MYO16: variants seen among roughly 807,000 people sequenced by gnomAD.
MYO16 encodes the protein unconventional myosin-XVI.
Under a neutral mutation model 205.3 loss-of-function variants are expected in MYO16, and 94 were observed. That is an observed-to-expected ratio of 0.46 (90% CI 0.39 to 0.54). The LOEUF (loss-of-function observed/expected upper bound fraction) is 0.54. Among genes scored for constraint, MYO16 ranks in the 20% least tolerant of loss-of-function variants. MYO16 has a pLI of 0.00. For missense variants in MYO16, 2,315 were observed against 2,387.5 expected, an observed-to-expected ratio of 0.97 and a Z score of 0.63; for synonymous variants, 988 against 954.0, an observed-to-expected ratio of 1.04 and a Z score of -0.66.
At chr13:108,726,526 T>G (rs1884342571) in intron 3 of MYO16, among the ~76,000 whole-genome samples, 2 of 148,128 alleles carry the variant, frequency 1.4e-5, no homozygotes, top group South Asian at 4.3e-4. Context: ...GCCACTGCAC[T>G]CCATTCTGGT....
At chr13:109,144,784 G>T (rs992867055) in intron 32 of MYO16, among the ~76,000 whole-genome samples, 3 of 152,142 alleles carry the variant, frequency 2.0e-5, no homozygotes, top group African/African-American at 7.2e-5. Context: ...TGGCTGTTTG[G>T]AACAATGACA....
chr13:108,946,795 G>T (rs757960952), intron 16 of MYO16, among the ~76,000 whole-genome samples: 13 of 151,898 alleles, frequency 8.6e-5, no homozygotes, highest in Non-Finnish European at 1.6e-4. Context: ...AGGCTTGAGT[G>T]CAGTGGCAGG....
intron 4 of MYO16, among the ~76,000 whole-genome samples, chr13:108,762,490 T>C (rs931913705): frequency 6.6e-6 from 1 of 152,206 alleles, no homozygotes; most frequent in African/African-American, 2.4e-5. Flanking sequence ...TATCTCTGCA[T>C]CTTCACCAAC....
chr13:108,802,588 A>AT (rs1451538495), intron 6 of MYO16, among the ~76,000 whole-genome samples: 7 of 152,194 alleles, frequency 4.6e-5, no homozygotes, highest in Non-Finnish European at 1.0e-4. Flanking sequence ...CTTAGGATAT[A>AT]TACCAGAGTG....
At position 108,894,392 on chromosome 13, in the gene MYO16, T is replaced by C. The variant is rs138541036; in HGVS notation, c.1660-3624T>C. Among the ~76,000 whole-genome samples the C allele has an allele frequency of 1.3e-3, 197 of 152,236 alleles. 2 individuals are homozygous for C. Among genetic ancestry groups the C allele is most frequent in the African/African-American group, 4.4e-3 (182 of 41,532 alleles). On this transcript the variant is annotated intron_variant, in intron 14 of 34. Coordinates refer to ENST00000457511, the MANE Select transcript of MYO16 (RefSeq NM_001198950.3). ...CTGTGGTTGATAATAATGGCATCAT[T>C]GTTAAAATTAAAGATTGCCATCTCA...
intron 33 of MYO16, among the ~76,000 whole-genome samples, chr13:109,173,286 A>T (rs1444936796): frequency 6.6e-6 from 1 of 152,236 alleles, no homozygotes; most frequent in Non-Finnish European, 1.5e-5. Context: ...TTGAAAATAC[A>T]TACCAAGGAG....
intron 32 of MYO16, among the ~76,000 whole-genome samples, chr13:109,154,976 T>A: frequency 6.8e-6 from 1 of 146,616 alleles, no homozygotes. Context: ...ATTGAAGTGA[T>A]TTTTTCCCCT....
At chr13:109,009,341 TA>T (rs1371325707) in intron 22 of MYO16, among the ~76,000 whole-genome samples, 2 of 152,216 alleles carry the variant, frequency 1.3e-5, no homozygotes, top group Admixed American at 6.5e-5. Context: ...GTGCCTATTG[TA>T]AAAAAACAGA....
rs750294588 is a variant in MYO16, at chr13:109,164,993, G to A, written c.5257G>A (p.Gly1753Arg). The A allele has an allele frequency of 6.1e-5, 98 of 1,605,376 alleles. No homozygotes were observed. Among genetic ancestry groups the A allele is most frequent in the Non-Finnish European group, 7.0e-5 (82 of 1,175,268 alleles). ...ETQDRNANNHGIQLSNSLSSA... is the reference protein window; with the variant it reads ...ETQDRNANNHRIQLSNSLSSA... Reference sequence around the variant, plus strand: ...TCAAGACAGAAATGCAAATAACCATGGAATTCAGTTATCTAATTCACTATC... The same window carrying A: ...TCAAGACAGAAATGCAAATAACCATAGAATTCAGTTATCTAATTCACTATC... Residue 1753 changes from glycine to arginine, a missense_variant, in exon 33 of 35, where the codon GGA becomes AGA. Coordinates refer to ENST00000457511, the MANE Select transcript of MYO16 (RefSeq NM_001198950.3).
chr13:108,741,833 G>A (rs938081153), intron 4 of MYO16, among the ~76,000 whole-genome samples: 49 of 152,106 alleles, frequency 3.2e-4, no homozygotes, highest in Admixed American at 2.8e-3. Context: ...AAAAATGATG[G>A]GTTTCTGCAA....
the MYO16 span, among the ~76,000 whole-genome samples, chr13:108,537,498 T>A: frequency 6.6e-6 from 1 of 152,074 alleles, no homozygotes; most frequent in Non-Finnish European, 1.5e-5. Context: ...ACAATCCTTT[T>A]CTTTGGGTAG....
intron 15 of MYO16, among the ~76,000 whole-genome samples, chr13:108,902,897 AAAAC>A (rs1373910784): frequency 3.9e-5 from 6 of 152,234 alleles, no homozygotes; most frequent in African/African-American, 1.4e-4. Flanking sequence ...GAAAATTCTC[AAAAC>A]AAACAGTTCA....
intron 4 of MYO16, among the ~76,000 whole-genome samples, chr13:108,746,224 A>T (rs1331400145): frequency 6.6e-6 from 1 of 152,072 alleles, no homozygotes; most frequent in Non-Finnish European, 1.5e-5. Context: ...AATAAAAAAT[A>T]AAAAATAAAA....
chr13:108,655,824 T>G (rs1018355405), intron 1 of MYO16, among the ~76,000 whole-genome samples: 1 of 152,168 alleles, frequency 6.6e-6, no homozygotes, highest in African/African-American at 2.4e-5. Flanking sequence ...CCACTGTATT[T>G]TAGACTTGCA....
intron 23 of MYO16, among the ~76,000 whole-genome samples, chr13:109,024,744 T>C (rs1011065200): frequency 1.3e-5 from 2 of 152,150 alleles, no homozygotes; most frequent in Non-Finnish European, 2.9e-5. Flanking sequence ...AAATCTTTTA[T>C]TGTACTGAGA....
At chr13:108,630,359 T>A (rs1362623173) in intron 1 of MYO16, among the ~76,000 whole-genome samples, 1 of 152,232 alleles carries the variant, frequency 6.6e-6, no homozygotes, top group Non-Finnish European at 1.5e-5. Flanking sequence ...TAAACTTTTG[T>A]CCTTGTATCA....
intron 27 of MYO16, among the ~76,000 whole-genome samples, chr13:109,067,473 G>A (rs756173101): frequency 6.6e-6 from 1 of 152,140 alleles, no homozygotes; most frequent in Non-Finnish European, 1.5e-5. Context: ...AACCACTACA[G>A]GACATGAGAT....
At chr13:108,620,403 A>G (rs1300886098) in intron 1 of MYO16, among the ~76,000 whole-genome samples, 1 of 152,138 alleles carries the variant, frequency 6.6e-6, no homozygotes, top group Admixed American at 6.6e-5. Context: ...TTGAAGCCAC[A>G]CTGAAGAAGA....
intron 16 of MYO16, among the ~76,000 whole-genome samples, chr13:108,946,686 C>G (rs1882954802): frequency 6.6e-6 from 1 of 151,842 alleles, no homozygotes; most frequent in Non-Finnish European, 1.5e-5. Context: ...GGTCAGGGTT[C>G]TCCAGAAAAA....
Sources: gnomAD v4.1 joint callset for allele counts (sites outside exome capture counted in the v4.1 genomes callset) on GRCh38, gnomAD v4.1.1 for gene constraint, MANE v1.5 for transcripts, NCBI Gene and HGNC (gene_info 2026-07-23, HGNC 2026-07-21) for gene names.